Variants in ZNF14 observed in about 807,000 individuals in gnomAD.
ZNF14 encodes zinc finger protein 14.
In ZNF14, 9 loss-of-function variants were observed where a neutral mutation model predicts 11.3. The observed-to-expected ratio is 0.80, with a 90% CI of 0.48 to 1.39. The LOEUF (loss-of-function observed/expected upper bound fraction) is 1.39, where lower values mean the gene tolerates loss of function less well. ZNF14 is among the 40% of genes most tolerant of loss of function. The probability of loss-of-function intolerance (pLI) is 0.00; values close to 1 mark genes in which losing one functional copy is unlikely to be tolerated. For synonymous variants in ZNF14, 239 were observed against 245.7 expected (o/e 0.97, Z 0.25); for missense variants, 711 against 763.9 (o/e 0.93, Z 0.82).
intron 1 of ZNF14, among the ~76,000 whole-genome samples, chr19:19,721,675 A>T (rs1052443781): frequency 1.3e-5 from 2 of 152,018 alleles, no homozygotes; most frequent in African/African-American, 4.8e-5. Flanking sequence ...AAGAACAACA[A>T]CCTGGGCTTG....
Position 19,720,502 on chromosome 19 carries a change from G to A in ZNF14, c.4-6015C>T, listed in dbSNP as rs148011430. Among the ~76,000 whole-genome samples the A allele has an allele frequency of 0.019, 2,862 of 152,032 alleles. 39 individuals are homozygous for A. Among genetic ancestry groups the A allele is most frequent in the Non-Finnish European group, 0.03 (2,073 of 67,970 alleles). On this transcript the variant is annotated intron_variant, in intron 1 of 3. Coordinates refer to ENST00000344099, the MANE Select transcript of ZNF14 (RefSeq NM_021030.3). This position sits in a 1 kb window ranked among gnomAD's most constrained non-coding sequence, Gnocchi z 4.1. ...ATAACAGGCGCCTGCCACCATGCCTGGCTAATTTTTTTGTATTTTTAGTAG... is the reference window on the plus strand; with the variant it reads ...ATAACAGGCGCCTGCCACCATGCCTAGCTAATTTTTTTGTATTTTTAGTAG...
At position 19,726,616 on chromosome 19, in the gene ZNF14, C is replaced by G. The variant is rs1405612083; in HGVS notation, c.3+6340G>C. Among the ~76,000 whole-genome samples, 2 of 133,726 alleles carry G rather than the reference C, an allele frequency of 1.5e-5. 1 individual carries two copies. Among genetic ancestry groups the G allele is most frequent in the Non-Finnish European group, 3.3e-5 (2 of 60,162 alleles). The allele number at this position is 133,726 out of a possible 152,430, so 87.7% of individuals were successfully genotyped here. A position where few individuals can be genotyped will look rare whatever the true frequency, so the allele number is the denominator to read the frequency against. On this transcript the variant is annotated intron_variant, in intron 1 of 3. Coordinates refer to ENST00000344099, the MANE Select transcript of ZNF14 (RefSeq NM_021030.3). ...GAACCACTACTCTCTTCAAAGCTGT[C>G]AGACAGGGACATTTAAGTCTGCAGA... is the stretch of plus-strand genomic sequence containing the variant.
Position 19,711,317 on chromosome 19 carries a change from GAAC to G in ZNF14, c.*32_*34del. ...TCTTTTGTGTATTCAGAAGGAGCTG[GAAC>G]AACCGAAGGCTTCAGAATGTTGCTT... is the stretch of plus-strand genomic sequence containing the variant. On this transcript the variant is annotated 3_prime_UTR_variant, in exon 4 of 4. Transcript: ENST00000344099. The G allele has an allele frequency of 3.9e-6, 6 of 1,523,216 alleles. No individual in the cohort carries two copies. The highest frequency in any genetic ancestry group is 5.3e-6 in the Non-Finnish European group (6 of 1,140,170). The allele number at this position is 1,523,216 out of a possible 1,614,324, so 94.4% of individuals were successfully genotyped here.
In ZNF14 at chr19:19,711,314, C is replaced by T. The variant is rs1224127518; in HGVS notation, c.*38G>A. ...AACTCTTTTGTGTATTCAGAAGGAG[C>T]TGGAACAACCGAAGGCTTCAGAATG... On this transcript the variant is annotated 3_prime_UTR_variant, in exon 4 of 4. Coordinates refer to ENST00000344099, the MANE Select transcript of ZNF14 (RefSeq NM_021030.3). 1.3e-6 allele frequency: 2 copies of T among 1,522,232 alleles called. No individual in the cohort carries two copies. Among genetic ancestry groups the T allele is most frequent in the Non-Finnish European group, 1.8e-6 (2 of 1,139,400 alleles). 94.3% of individuals were successfully genotyped at this position (1,522,232 alleles called of 1,614,324 possible).
At chr19:19,719,620 A>T (rs2062386877) in intron 1 of ZNF14, among the ~76,000 whole-genome samples, 1 of 152,228 alleles carries the variant, frequency 6.6e-6, no homozygotes, top group Admixed American at 6.5e-5. Flanking sequence ...AAGTGGGGAG[A>T]AAAATGGCAT....
rs961401651 is a variant in ZNF14, at chr19:19,714,230, C to G, written c.131-79G>C. On this transcript the variant is annotated intron_variant, in intron 2 of 3. Transcript: ENST00000344099. The stretch of plus-strand genomic sequence containing the variant: ...TGTTACAGTCTAGTTTCATGATTAG[C>G]TGTGACTGTCTGATTCAATCACTGA... 52 of 1,582,574 alleles carry G rather than the reference C, an allele frequency of 3.3e-5. No individual in the cohort carries two copies. In the East Asian group the frequency reaches 1.1e-3, roughly 34 times the overall value.
At chr19:19,715,536 T>C (rs1463685760) in intron 1 of ZNF14, among the ~76,000 whole-genome samples, 1 of 152,220 alleles carries the variant, frequency 6.6e-6, no homozygotes, top group African/African-American at 2.4e-5. Flanking sequence ...GGAAGTGTAT[T>C]ACAGAAGCGA....
At position 19,711,913 on chromosome 19, in the gene ZNF14, G is replaced by C. The variant is rs756766179; in HGVS notation, c.1368C>G (p.Phe456Leu). 1 of 1,613,894 alleles carries C rather than the reference G, an allele frequency of 6.2e-7. No homozygotes were observed. The highest frequency in any genetic ancestry group is 1.3e-5 in the African/African-American group (1 of 74,910). The change falls in exon 4 of 4, where the codon TTC becomes TTG. Residue 456 changes from phenylalanine to leucine, a missense_variant. Coordinates refer to ENST00000344099, the MANE Select transcript of ZNF14 (RefSeq NM_021030.3). ...GAATTCGAAAATAACTTGAACACCT[G>C]AAGGCTTTCCCACACTGTTTACATT... Reference protein sequence around the residue: ...PYECKQCGKAFRCSSYFRIHE... With the variant: ...PYECKQCGKALRCSSYFRIHE...
intron 1 of ZNF14, among the ~76,000 whole-genome samples, chr19:19,722,809 T>C (rs1211620600): frequency 1.3e-5 from 2 of 152,194 alleles, no homozygotes; most frequent in Non-Finnish European, 2.9e-5. Flanking sequence ...TCACATCCCT[T>C]GTAAGTTGGA....
At chr19:19,717,232 C>T (rs2062380332) in intron 1 of ZNF14, among the ~76,000 whole-genome samples, 1 of 152,116 alleles carries the variant, frequency 6.6e-6, no homozygotes, top group Admixed American at 6.5e-5. Flanking sequence ...TCACTAGGGC[C>T]TCCCTCAGAA....
chr19:19,717,453 G>A lies in ZNF14; in HGVS notation c.4-2966C>T, dbSNP rs1048190560. Among the ~76,000 whole-genome samples, 5 of 152,148 alleles carry A rather than the reference G, an allele frequency of 3.3e-5. No homozygotes were observed. In the East Asian group the frequency reaches 7.7e-4, roughly 23 times the overall value. The stretch of plus-strand genomic sequence containing the variant: ...ATATTTATGAAGGTCCCAACACACA[G>A]ATATGATTGATTAAATCATTACACA... On this transcript the variant is annotated intron_variant, in intron 1 of 3. Transcript: ENST00000344099.
chr19:19,712,540 T>G lies in ZNF14; in HGVS notation c.741A>C (p.Gly247=). The change falls in exon 4 of 4, where the codon GGA becomes GGC. Residue 247 remains glycine, a synonymous_variant. Transcript: ENST00000344099. ...ATTGCTTACATTCATAGGGTTTCTC[T>G]CCAGTGTGAGTCCTTTTGTGTCTTT... ...SFQRHKRTHT[G]EKPYECKQCG... 1 of 1,613,570 alleles carries G rather than the reference T, an allele frequency of 6.2e-7. No individual in the cohort carries two copies. The highest frequency in any genetic ancestry group is 8.5e-7 in the Non-Finnish European group (1 of 1,179,854).
At chr19:19,723,195 TA>T (rs1250728137) in intron 1 of ZNF14, among the ~76,000 whole-genome samples, 5 of 152,344 alleles carry the variant, frequency 3.3e-5, no homozygotes, top group African/African-American at 1.2e-4. Flanking sequence ...GCCCATTCAG[TA>T]TGATATTGGC....
chr19:19,712,229 C>G lies in ZNF14; in HGVS notation c.1052G>C (p.Arg351Pro). 6.2e-7 allele frequency: 1 copy of G among 1,613,850 alleles called. No homozygotes were observed. Among genetic ancestry groups the G allele is most frequent in the South Asian group, 1.1e-5 (1 of 91,020 alleles). The change falls in exon 4 of 4, where the codon CGA becomes CCA. Residue 351 changes from arginine to proline, a missense_variant. Coordinates refer to ENST00000344099, the MANE Select transcript of ZNF14 (RefSeq NM_021030.3). ...GKAFNSSNSC[R>P]VHERTHIGEK... ...TCCAATATGAGTTCTTTCATGCACT[C>G]GACAGGAATTAGAAGAGTTGAAGGC...
intron 1 of ZNF14, among the ~76,000 whole-genome samples, chr19:19,729,417 G>A (rs1414885323): frequency 6.6e-6 from 1 of 151,512 alleles, no homozygotes; most frequent in Non-Finnish European, 1.5e-5. Context: ...CTGGGTTCAA[G>A]CAATTCTCCT....
rs1170524452 is a variant in ZNF14, at chr19:19,710,593, G to A, written c.*759C>T. ...ATCATCAACAACAACAAAAGAACTAGGATGAAGAATTTCCCACATTCTTAA... is the reference window on the plus strand; with the variant it reads ...ATCATCAACAACAACAAAAGAACTAAGATGAAGAATTTCCCACATTCTTAA... On this transcript the variant is annotated 3_prime_UTR_variant, in exon 4 of 4. Coordinates refer to ENST00000344099, the MANE Select transcript of ZNF14 (RefSeq NM_021030.3). 1.3e-5 allele frequency: 2 copies of A among 152,146 alleles called. No homozygotes were observed. The highest frequency in any genetic ancestry group is 2.9e-5 in the Non-Finnish European group (2 of 68,032). 9.4% of individuals were successfully genotyped at this position (152,146 alleles called of 1,614,324 possible). A position where few individuals can be genotyped will look rare whatever the true frequency, so the allele number is the denominator to read the frequency against.
At chr19:19,719,229 A>G (rs1455836120) in intron 1 of ZNF14, among the ~76,000 whole-genome samples, 1 of 152,254 alleles carries the variant, frequency 6.6e-6, no homozygotes, top group African/African-American at 2.4e-5. Context: ...ATAATCTGTC[A>G]CTAGCGTACC....
rs1371459995 is a variant in ZNF14 at position 19,711,414 on chromosome 19, C to T, written c.1867G>A (p.Ala623Thr). ...KPYECKQCGK[A>T]FISSSHFRLH... is the part of the protein sequence containing the mutation. Reference sequence around the variant, plus strand: ...CGAAAGTGACTGGAAGAAATGAAGGCTTTTCCACATTGTTTGCATTCATAA... The same window carrying T: ...CGAAAGTGACTGGAAGAAATGAAGGTTTTTCCACATTGTTTGCATTCATAA... The change falls in exon 4 of 4, where the codon GCC (alanine) becomes ACC (threonine). Residue 623 changes from alanine (A) to threonine (T), a missense_variant. By Grantham distance (58) the Ala-to-Thr change is moderately conservative. Transcript: ENST00000344099. The T allele has an allele frequency of 1.8e-5, 29 of 1,599,914 alleles. No homozygotes were observed. The highest frequency in any genetic ancestry group is 2.3e-5 in the Non-Finnish European group (27 of 1,174,538).
intron 1 of ZNF14, among the ~76,000 whole-genome samples, chr19:19,716,520 C>T (rs2062378391): frequency 6.6e-6 from 1 of 152,056 alleles, no homozygotes; most frequent in African/African-American, 2.4e-5. Flanking sequence ...AACTCCTGGG[C>T]TCAAGCGATC....
Sources: gnomAD v4.1 joint callset for allele counts (sites outside exome capture counted in the v4.1 genomes callset) on GRCh38, gnomAD v4.1.1 for gene constraint, Gnocchi (gnomAD v3.1) non-coding constraint, MANE v1.5 for transcripts, NCBI Gene and HGNC (gene_info 2026-07-23, HGNC 2026-07-21) for gene names.